Variants in NPIPB2 observed in about 807,000 individuals in gnomAD.
NPIPB2 encodes the protein nuclear pore complex interacting protein family member B2.
In NPIPB2, 27 loss-of-function variants were observed where a neutral mutation model predicts 30.8. The observed-to-expected ratio is 0.88, with a 90% CI of 0.65 to 1.21. NPIPB2 has a LOEUF of 1.21. NPIPB2 is among the 50% of genes most tolerant of loss of function. NPIPB2 has a pLI of 0.00. For missense variants in NPIPB2, 440 were observed against 446.2 expected (o/e 0.99, Z 0.13); for synonymous variants, 147 against 162.0 (o/e 0.91, Z 0.70).
In NPIPB2 at chr16:11,967,474, C is replaced by G; in HGVS notation, c.-584+9094G>C. ...ACCTCTAAAAAATGAAAAAATCTCT[C>G]TCACATTGCTTTGAGTCCCGATGTG... On this transcript the variant is annotated intron_variant, in intron 1 of 5. Coordinates refer to the NPIPB2 transcript ENST00000538896. The G allele has an allele frequency of 5.4e-6, 7 of 1,294,814 alleles. No individual in the cohort carries two copies. In the South Asian group the frequency reaches 1.0e-4, roughly 18 times the overall value. 80.2% of individuals were successfully genotyped at this position (1,294,814 alleles called of 1,614,324 possible).
intron 1 of NPIPB2, among the ~76,000 whole-genome samples, chr16:11,973,563 T>A (rs966565849): frequency 1.3e-5 from 2 of 152,186 alleles, no homozygotes; most frequent in African/African-American, 4.8e-5. Flanking sequence ...CAGCAGCTTA[T>A]AAATTATTTA....
chr16:11,975,547 C>G lies in NPIPB2; in HGVS notation c.-584+1021G>C, dbSNP rs370072362. 2.3e-3 allele frequency among the ~76,000 whole-genome samples: 345 copies of G among 152,090 alleles called. 14 individuals are homozygous for G. In the South Asian group the frequency reaches 0.07, roughly 31 times the overall value. On this transcript the variant is annotated intron_variant, in intron 1 of 5. Transcript: ENST00000538896. ...TCCTTAACCACCTGCTCTTTCTCCA[C>G]CCTGCCCCCATTATAATTCATTCTC...
intron 2 of NPIPB2, among the ~76,000 whole-genome samples, chr16:11,936,861 C>A (rs1056616345): frequency 6.7e-6 from 1 of 148,272 alleles, no homozygotes; most frequent in Non-Finnish European, 1.5e-5. Flanking sequence ...CATCATGAGA[C>A]GCAGTGCAGT....
intron 1 of NPIPB2, among the ~76,000 whole-genome samples, chr16:11,972,662 C>G (rs1361856517): frequency 6.7e-6 from 1 of 150,250 alleles, no homozygotes; most frequent in Non-Finnish European, 1.5e-5. Flanking sequence ...ATCATGAAGT[C>G]AAGAGATTGA....
At chr16:11,966,210 T>C (rs1438291169) in intron 1 of NPIPB2, 1 of 1,613,338 alleles carries the variant, frequency 6.2e-7, no homozygotes, top group South Asian at 1.1e-5. Context: ...ACCAATTCAG[T>C]GAAAGGAACG....
At chr16:11,934,370 A>G (rs1292103203) in intron 2 of NPIPB2, among the ~76,000 whole-genome samples, 2 of 150,790 alleles carry the variant, frequency 1.3e-5, no homozygotes, top group Non-Finnish European at 3.0e-5. Context: ...CCTCACCAAC[A>G]TGGAGAAACG....
chr16:11,949,233 T>C (rs1469747023), intron 1 of NPIPB2, among the ~76,000 whole-genome samples: 3 of 152,206 alleles, frequency 2.0e-5, no homozygotes. Flanking sequence ...ACAGCAATAC[T>C]TGCGAAGCCT....
At chr16:11,973,525 G>C (rs2055248536) in intron 1 of NPIPB2, among the ~76,000 whole-genome samples, 1 of 152,170 alleles carries the variant, frequency 6.6e-6, no homozygotes, top group Admixed American at 6.6e-5. Flanking sequence ...GAGAACCACA[G>C]AGTGAATACC....
At chr16:11,952,266 T>A (rs1052730131) in intron 1 of NPIPB2, among the ~76,000 whole-genome samples, 1 of 150,720 alleles carries the variant, frequency 6.6e-6, no homozygotes, top group Non-Finnish European at 1.5e-5. Context: ...GAGAATGGTG[T>A]GAACCGGGGA....
intron 1 of NPIPB2, among the ~76,000 whole-genome samples, chr16:11,952,647 C>T (rs2055078106): frequency 6.6e-6 from 1 of 151,108 alleles, no homozygotes; most frequent in South Asian, 2.1e-4. Flanking sequence ...TCACTGCAAC[C>T]TCTGCCTCCA....
upstream of NPIPB2, chr16:11,942,166 A>G: frequency 3.6e-6 from 5 of 1,396,258 alleles, no homozygotes; most frequent in Non-Finnish European, 4.8e-6. Flanking sequence ...TGCATGGTAC[A>G]TTTACAAAAA....
At chr16:11,938,755 C>T (rs1014433212) in intron 1 of NPIPB2, among the ~76,000 whole-genome samples, 1 of 152,026 alleles carries the variant, frequency 6.6e-6, no homozygotes, top group African/African-American at 2.4e-5. Context: ...ATTATCTTTT[C>T]TTTTTTGTTT....
At chr16:11,969,967 G>C (rs1171058342) in intron 1 of NPIPB2, among the ~76,000 whole-genome samples, 1 of 146,934 alleles carries the variant, frequency 6.8e-6, no homozygotes, top group Admixed American at 6.7e-5. Context: ...AGGTTCAAGA[G>C]TCTCCTACCT....
At chr16:11,937,317 A>G (rs765600928) in intron 2 of NPIPB2, among the ~76,000 whole-genome samples, 1 of 152,224 alleles carries the variant, frequency 6.6e-6, no homozygotes, top group Non-Finnish European at 1.5e-5. Context: ...CTTATTTTTG[A>G]CCAAAAGCTC....
At chr16:11,932,963 TA>T (rs770388601) in intron 4 of NPIPB2, among the ~76,000 whole-genome samples, 5,207 of 121,498 alleles carry the variant, frequency 0.043, 121 homozygotes, top group Middle Eastern at 0.1. Context: ...ATCTCAAAAT[TA>T]AAAAAAAAAA....
At chr16:11,944,938 G>A (rs2054989493), upstream of NPIPB2, among the ~76,000 whole-genome samples, 2 of 151,690 alleles carry the variant, frequency 1.3e-5, no homozygotes, top group Non-Finnish European at 2.9e-5. Flanking sequence ...CAGCACTTTG[G>A]AAGGTTGAGG....
chr16:11,963,303 C>A (rs2055167607), intron 1 of NPIPB2, among the ~76,000 whole-genome samples: 1 of 151,180 alleles, frequency 6.6e-6, no homozygotes, highest in Non-Finnish European at 1.5e-5. Flanking sequence ...TCGCTTGAAC[C>A]TGGGAGGTGG....
At chr16:11,946,466 C>G (rs561903000), upstream of NPIPB2, among the ~76,000 whole-genome samples, 1 of 150,024 alleles carries the variant, frequency 6.7e-6, no homozygotes, top group South Asian at 2.1e-4. Context: ...ACTAAGGAGG[C>G]TGAGGCTGAG....
At chr16:11,936,302 T>C (rs2054867396) in intron 2 of NPIPB2, among the ~76,000 whole-genome samples, 2 of 151,906 alleles carry the variant, frequency 1.3e-5, no homozygotes, top group African/African-American at 4.8e-5. Flanking sequence ...AGACTCGTCT[T>C]GAGGGTGAGA....
Sources: allele counts gnomAD v4.1 joint callset (sites outside exome capture counted in the v4.1 genomes callset), GRCh38; gene constraint gnomAD v4.1.1; transcripts MANE v1.5; gene names NCBI Gene and HGNC (gene_info 2026-07-23, HGNC 2026-07-21).